Variants in IQCK observed in about 807,000 individuals in gnomAD.
The protein encoded by IQCK is IQ motif containing K, also known as IQ domain-containing protein K.
IQCK carries 29 observed loss-of-function variants against 28.1 expected under a neutral mutation model. That is an observed-to-expected ratio of 1.03 (90% CI 0.77 to 1.41). The LOEUF (loss-of-function observed/expected upper bound fraction) is 1.41. Ranked by LOEUF, IQCK falls within the 40% of genes most tolerant of loss-of-function variation. The pLI, the probability that IQCK is intolerant of heterozygous loss-of-function variation, is 0.00. For missense variants in IQCK, 359 were observed against 314.7 expected, an observed-to-expected ratio of 1.14 and a Z score of -1.07; for synonymous variants, 113 against 115.1, an observed-to-expected ratio of 0.98 and a Z score of 0.12.
intron 4 of IQCK, among the ~76,000 whole-genome samples, chr16:19,754,210 G>T (rs925880341): frequency 4.6e-5 from 7 of 152,180 alleles, no homozygotes; most frequent in African/African-American, 1.7e-4. Context: ...CCACACTGGG[G>T]CCGTGCCTTA....
intron 1 of IQCK, among the ~76,000 whole-genome samples, chr16:19,719,901 G>A (rs1977434584): frequency 6.6e-6 from 1 of 151,888 alleles, no homozygotes; most frequent in Non-Finnish European, 1.5e-5. Context: ...TTGAACTCCT[G>A]ACCTCAGGTG....
chr16:19,718,315 A>C, exon 1 of IQCK: 2 of 1,606,156 alleles, frequency 1.2e-6, no homozygotes, highest in South Asian at 2.2e-5. Flanking sequence ...CCATGGCGGC[A>C]CCGCGGCAAA....
rs139509246 is a variant in IQCK at position 19,780,858 on chromosome 16, A to G, written c.606-7980A>G. ...TGCATAATTTAGAAGCGCATATATTACTATATCAGCAGCTCTTGTTTTAAT... is the reference window on the plus strand; with the variant it reads ...TGCATAATTTAGAAGCGCATATATTGCTATATCAGCAGCTCTTGTTTTAAT... On this transcript the variant is annotated intron_variant, in intron 6 of 7. Coordinates refer to ENST00000564186, the Ensembl canonical transcript of IQCK. Among the ~76,000 whole-genome samples the G allele has an allele frequency of 2.4e-3, 370 of 152,360 alleles. 5 individuals are homozygous for G. Among genetic ancestry groups the G allele is most frequent in the African/African-American group, 8.4e-3 (350 of 41,580 alleles).
intron 7 of IQCK, among the ~76,000 whole-genome samples, chr16:19,802,795 G>A (rs151217980): frequency 2.3e-4 from 35 of 152,228 alleles, no homozygotes; most frequent in Non-Finnish European, 3.5e-4. Context: ...GGCTCCATGC[G>A]TTTGCTGTTG....
chr16:19,722,021 AC>A (rs1977511257), intron 1 of IQCK, among the ~76,000 whole-genome samples: 1 of 152,206 alleles, frequency 6.6e-6, no homozygotes, highest in South Asian at 2.1e-4. Context: ...CCTGCCAGAT[AC>A]CGACATGGAT....
Position 19,730,763 on chromosome 16 carries a change from T to TTATC in IQCK, c.246+280_246+283dup, listed in dbSNP as rs1555513811. Among the ~76,000 whole-genome samples the TTATC allele has an allele frequency of 0.011, 890 of 77,778 alleles. 4 individuals are homozygous for TTATC. In the African/African-American group the frequency reaches 0.19, roughly 17 times the overall value. 51.0% of individuals were successfully genotyped at this position (77,778 alleles called of 152,430 possible). On this transcript the variant is annotated intron_variant, in intron 2 of 7. Coordinates refer to ENST00000564186, the Ensembl canonical transcript of IQCK. ...TGTCTGTCTATCTATCTATCTTATC[T>TTATC]TATCTATCTATCTACCTAATCTATT...
chr16:19,729,328 G>A (rs1352143398), intron 1 of IQCK, among the ~76,000 whole-genome samples: 3 of 151,952 alleles, frequency 2.0e-5, no homozygotes, highest in South Asian at 2.1e-4. Context: ...GGCTGATCTC[G>A]AACTCCTGAC....
chr16:19,826,960 A>G, intron 7 of IQCK, 66 bp from the exon 8 acceptor site: 1 of 978,210 alleles, frequency 1.0e-6, no homozygotes, highest in Non-Finnish European at 1.6e-6. Flanking sequence ...TTTTCCATGC[A>G]GGGTTAATAA....
chr16:19,813,836 T>G (rs1388580837), intron 7 of IQCK, among the ~76,000 whole-genome samples: 1 of 152,134 alleles, frequency 6.6e-6, no homozygotes, highest in Non-Finnish European at 1.5e-5. Context: ...AGTCCTTGTG[T>G]TGTTTGGGAG....
rs752372712 is a variant in IQCK at position 19,763,911 on chromosome 16, C to T, written c.527+11C>T. ...TGAGTGGTTATACAAGTAAGTTGTT[C>T]GTGTCTGACTATTCAGTGATCCTAA... On this transcript the variant is annotated intron_variant, in intron 5 of 7. Coordinates refer to ENST00000564186, the Ensembl canonical transcript of IQCK. The T allele has an allele frequency of 6.8e-6, 11 of 1,611,858 alleles. No individual in the cohort carries two copies. The highest frequency in any genetic ancestry group is 1.1e-5 in the South Asian group (1 of 91,008).
chr16:19,725,011 C>T (rs1191897391), intron 1 of IQCK, among the ~76,000 whole-genome samples: 2 of 152,072 alleles, frequency 1.3e-5, no homozygotes, highest in Non-Finnish European at 2.9e-5. Context: ...TTTCCGGGCT[C>T]CTTCTGCTCT....
At chr16:19,827,747 C>T (rs2056167878), downstream of IQCK, among the ~76,000 whole-genome samples, 1 of 152,122 alleles carries the variant, frequency 6.6e-6, no homozygotes, top group South Asian at 2.1e-4. Context: ...CTCTGCCTGG[C>T]CATGTGAGCT....
At chr16:19,762,158 G>A (rs531519722) in intron 4 of IQCK, 1 of 152,388 alleles carries the variant, frequency 6.6e-6, no homozygotes, top group Admixed American at 6.5e-5. Flanking sequence ...TGCTACATGG[G>A]AGCCTGGGAA....
chr16:19,810,469 C>T (rs1186475220), intron 7 of IQCK, among the ~76,000 whole-genome samples: 1 of 149,596 alleles, frequency 6.7e-6, no homozygotes. Flanking sequence ...TGCACTCCAG[C>T]CTGGGTGACA....
At chr16:19,729,598 A>G (rs1215549600) in intron 1 of IQCK, among the ~76,000 whole-genome samples, 2 of 148,854 alleles carry the variant, frequency 1.3e-5, no homozygotes, top group African/African-American at 2.5e-5. Context: ...TAAGAGACCA[A>G]CCATCTCTTA....
intron 3 of IQCK, 53 bp from the exon 4 acceptor site, chr16:19,735,300 T>C: frequency 8.4e-7 from 1 of 1,192,630 alleles, no homozygotes; most frequent in Non-Finnish European, 1.3e-6. Context: ...TTCTCCCAGA[T>C]TGGCTCGGGC....
intron 4 of IQCK, among the ~76,000 whole-genome samples, chr16:19,759,083 A>G (rs1469113205): frequency 1.3e-5 from 2 of 152,258 alleles, no homozygotes; most frequent in Non-Finnish European, 2.9e-5. Flanking sequence ...TGTAAATATC[A>G]GAACCTGTGT....
At chr16:19,855,194 A>G (rs563053897) in intron 9 of IQCK, among the ~76,000 whole-genome samples, 1 of 152,228 alleles carries the variant, frequency 6.6e-6, no homozygotes, top group South Asian at 2.1e-4. Context: ...TGATCTGGAA[A>G]TTGATTTCCT....
intron 9 of IQCK, among the ~76,000 whole-genome samples, chr16:19,853,215 C>T (rs1309964203): frequency 6.6e-6 from 1 of 152,088 alleles, no homozygotes. Flanking sequence ...GAGATGGTGA[C>T]CTAATTGTGT....
Sources: allele counts gnomAD v4.1 joint callset (sites outside exome capture counted in the v4.1 genomes callset), GRCh38; gene constraint gnomAD v4.1.1; transcripts MANE v1.5; gene names NCBI Gene and HGNC (gene_info 2026-07-23, HGNC 2026-07-21).